NIM1K: variants seen among roughly 807,000 people sequenced by gnomAD.
The protein encoded by NIM1K is NIM1 serine/threonine protein kinase, also known as serine/threonine-protein kinase NIM1.
In NIM1K, 35 loss-of-function variants were observed where a neutral mutation model predicts 37.1. The observed-to-expected ratio is 0.94, with a 90% CI of 0.72 to 1.25. The LOEUF is 1.25. NIM1K is among the 50% of genes most tolerant of loss of function. The pLI, the probability that NIM1K is intolerant of heterozygous loss-of-function variation, is 0.00. For synonymous variants in NIM1K, 234 were observed against 206.6 expected, an observed-to-expected ratio of 1.13 and a Z score of -1.14; for missense variants, 564 against 548.0, an observed-to-expected ratio of 1.03 and a Z score of -0.29.
At chr5:43,260,939 C>T (rs969912979) in intron 2 of NIM1K, among the ~76,000 whole-genome samples, 2 of 152,194 alleles carry the variant, frequency 1.3e-5, no homozygotes, top group African/African-American at 2.4e-5. Flanking sequence ...AGGACATGAA[C>T]TCATCCTTTT....
chr5:43,222,101 G>A (rs2112231532), intron 1 of NIM1K, among the ~76,000 whole-genome samples: 1 of 152,294 alleles, frequency 6.6e-6, no homozygotes, highest in Admixed American at 6.5e-5. Flanking sequence ...GCTCTATACT[G>A]GTGCTGCTTC....
chr5:43,270,951 T>C (rs1753247040), intron 2 of NIM1K, among the ~76,000 whole-genome samples: 1 of 152,272 alleles, frequency 6.6e-6, no homozygotes, highest in Admixed American at 6.5e-5. Context: ...TTCCTAAATA[T>C]CTCCTCCTTT....
At chr5:43,275,602 C>T (rs1026611276) in intron 2 of NIM1K, among the ~76,000 whole-genome samples, 4 of 152,184 alleles carry the variant, frequency 2.6e-5, no homozygotes, top group African/African-American at 9.7e-5. Flanking sequence ...GTGTCGTGTA[C>T]ATGACATTAC....
intron 2 of NIM1K, among the ~76,000 whole-genome samples, chr5:43,260,932 A>T (rs914308756): frequency 6.6e-6 from 1 of 152,200 alleles, no homozygotes; most frequent in Non-Finnish European, 1.5e-5. Flanking sequence ...CCTGCAAAGG[A>T]CATGAACTCA....
At chr5:43,262,497 G>A (rs193180895) in intron 2 of NIM1K, among the ~76,000 whole-genome samples, 44 of 152,294 alleles carry the variant, frequency 2.9e-4, no homozygotes, top group South Asian at 2.5e-3. Context: ...TCAGCTTAAG[G>A]AGATTTGCGG....
At chr5:43,195,904 G>A (rs180975854) in intron 1 of NIM1K, among the ~76,000 whole-genome samples, 63 of 152,258 alleles carry the variant, frequency 4.1e-4, no homozygotes, top group Admixed American at 3.5e-3. Context: ...AGTGAAAAGA[G>A]GGTTGCACAG....
intron 2 of NIM1K, among the ~76,000 whole-genome samples, chr5:43,272,327 C>T (rs929060028): frequency 2.6e-5 from 4 of 152,026 alleles, no homozygotes; most frequent in African/African-American, 9.7e-5. Context: ...ACCCCCAGAC[C>T]AGGAGTACAT....
chr5:43,251,855 A>T (rs1752872054), intron 2 of NIM1K, among the ~76,000 whole-genome samples: 1 of 152,168 alleles, frequency 6.6e-6, no homozygotes. Context: ...CAAATTTTAA[A>T]AAGAAAGAAT....
intron 2 of NIM1K, among the ~76,000 whole-genome samples, chr5:43,250,627 CATGAAAGACAAAAG>C (rs1752855142): frequency 6.6e-6 from 1 of 152,044 alleles, no homozygotes; most frequent in African/African-American, 2.4e-5. Flanking sequence ...CTAGAGCCAG[CATGAAAGACAAAAG>C]ATGAAACACA....
At chr5:43,207,059 G>T (rs935894454) in intron 1 of NIM1K, 6 of 726,758 alleles carry the variant, frequency 8.3e-6, no homozygotes, top group Non-Finnish European at 1.5e-5. Flanking sequence ...AACAGATATT[G>T]GCCCATTACC....
intron 1 of NIM1K, among the ~76,000 whole-genome samples, chr5:43,214,696 G>A (rs201325280): frequency 6.6e-6 from 1 of 151,328 alleles, no homozygotes; most frequent in Non-Finnish European, 1.5e-5. Flanking sequence ...GGTGCCTGTA[G>A]TCCCAGCTAC....
chr5:43,200,981 C>T (rs935775290), intron 1 of NIM1K, among the ~76,000 whole-genome samples: 1 of 151,514 alleles, frequency 6.6e-6, no homozygotes, highest in African/African-American at 2.4e-5. Flanking sequence ...AAAAATTAGC[C>T]AGGCACGGTG....
At chr5:43,256,773 C>G (rs891552242) in intron 2 of NIM1K, among the ~76,000 whole-genome samples, 1 of 152,198 alleles carries the variant, frequency 6.6e-6, no homozygotes, top group Non-Finnish European at 1.5e-5. Context: ...TATAAATACT[C>G]CAGTTCTCTC....
chr5:43,248,210 T>C (rs976457898), intron 2 of NIM1K, among the ~76,000 whole-genome samples: 1 of 152,112 alleles, frequency 6.6e-6, no homozygotes, highest in African/African-American at 2.4e-5. Flanking sequence ...ACAAACGCAT[T>C]AATGTGGGGA....
chr5:43,199,205 AT>A (rs370337181), intron 1 of NIM1K, among the ~76,000 whole-genome samples: 37,661 of 58,632 alleles, frequency 0.64, 14,188 homozygotes, highest in Non-Finnish European at 0.69. Context: ...AAAAAAAAAA[AT>A]ATATATATAT....
chr5:43,212,057 A>G (rs1752211919), intron 1 of NIM1K, among the ~76,000 whole-genome samples: 1 of 152,212 alleles, frequency 6.6e-6, no homozygotes, highest in African/African-American at 2.4e-5. Context: ...TATATTGAAT[A>G]TAAAAGTATT....
chr5:43,255,482 C>T (rs954841672), intron 2 of NIM1K, among the ~76,000 whole-genome samples: 3 of 151,986 alleles, frequency 2.0e-5, no homozygotes, highest in African/African-American at 4.8e-5. Flanking sequence ...CGGGCGCGGT[C>T]GGTCACGCCT....
rs56333726 is a variant in NIM1K at position 43,277,241 on chromosome 5, C to T, written c.477C>T (p.Phe159=). Residue 159 remains phenylalanine (F), a synonymous_variant, in exon 3 of 4, where the codon TTC becomes TTT. Coordinates refer to ENST00000326035, the MANE Select transcript of NIM1K (RefSeq NM_153361.4). Reference sequence around the variant, plus strand: ...AGTATGCAGGGGGTGGGGAGCTCTTCGGAAAAATTAGCACTGAGGGGAAGC... The same window carrying T: ...AGTATGCAGGGGGTGGGGAGCTCTTTGGAAAAATTAGCACTGAGGGGAAGC... ...VMEYAGGGEL[F]GKISTEGKLS... 6.4e-5 allele frequency: 104 copies of T among 1,613,892 alleles called. No individual in the cohort carries two copies. The highest frequency in any genetic ancestry group is 1.0e-4 in the Admixed American group (6 of 59,984).
At chr5:43,257,670 G>A (rs1189624050) in intron 2 of NIM1K, among the ~76,000 whole-genome samples, 4 of 152,028 alleles carry the variant, frequency 2.6e-5, no homozygotes, top group Non-Finnish European at 5.9e-5. Flanking sequence ...TCTTTAAAGG[G>A]GTTTTACTAT....
Sources: allele counts gnomAD v4.1 joint callset (sites outside exome capture counted in the v4.1 genomes callset), GRCh38; gene constraint gnomAD v4.1.1; transcripts MANE v1.5; gene names NCBI Gene and HGNC (gene_info 2026-07-23, HGNC 2026-07-21).